The following ZNF677 variants were observed in gnomAD, a reference collection of about 807,000 sequenced individuals.
ZNF677 encodes hypothetical protein MGC48625.
Under a neutral mutation model 8.1 loss-of-function variants are expected in ZNF677, and 5 were observed. The observed-to-expected ratio is 0.62, with a 90% CI of 0.32 to 1.29. ZNF677 has a LOEUF of 1.29. ZNF677 is among the 50% of genes most tolerant of loss of function. ZNF677 has a pLI of 0.05. For synonymous variants in ZNF677, 221 were observed against 225.6 expected (o/e 0.98, Z 0.18); for missense variants, 685 against 685.9 (o/e 1.00, Z 0.01).
chr19:53,236,853 C>T lies in ZNF677; in HGVS notation c.*119G>A, dbSNP rs2090976165. 2.1e-6 allele frequency: 2 copies of T among 931,484 alleles called. No individual in the cohort carries two copies. The highest frequency in any genetic ancestry group is 2.2e-5 in the South Asian group (1 of 46,374). The allele number at this position is 931,484 out of a possible 1,614,324, so 57.7% of individuals were successfully genotyped here. A position where few individuals can be genotyped will look rare whatever the true frequency, so the allele number is the denominator to read the frequency against. On this transcript the variant is annotated 3_prime_UTR_variant, in exon 5 of 5. Transcript: ENST00000598513. ...GGATAAGCCTTGCCATACATGTTAT[C>T]TTTGTGTGGTTTATCTCAAAGATGT...
intron 4 of ZNF677, chr19:53,238,953 A>C (rs1161384161): frequency 6.5e-6 from 1 of 153,550 alleles, no homozygotes; most frequent in Admixed American, 6.5e-5. Flanking sequence ...TTACACACAA[A>C]AGGTAAGGCA....
At chr19:53,247,658 GAT>G (rs2091167650) in intron 3 of ZNF677, among the ~76,000 whole-genome samples, 1 of 152,124 alleles carries the variant, frequency 6.6e-6, no homozygotes, top group Non-Finnish European at 1.5e-5. Context: ...TTGGGGTGTT[GAT>G]ATTTGATCCA....
At position 53,236,843 on chromosome 19, in the gene ZNF677, T is replaced by A; in HGVS notation, c.*129A>T. 1.2e-6 allele frequency: 1 copy of A among 829,520 alleles called. No individual in the cohort carries two copies. The highest frequency in any genetic ancestry group is 1.8e-6 in the Non-Finnish European group (1 of 565,092). 51.4% of individuals were successfully genotyped at this position (829,520 alleles called of 1,614,324 possible). A position where few individuals can be genotyped will look rare whatever the true frequency, so the allele number is the denominator to read the frequency against. On this transcript the variant is annotated 3_prime_UTR_variant, in exon 5 of 5. Coordinates refer to ENST00000598513, the MANE Select transcript of ZNF677 (RefSeq NM_182609.4). The stretch of plus-strand genomic sequence containing the variant: ...CTTGAACTTTGGATAAGCCTTGCCA[T>A]ACATGTTATCTTTGTGTGGTTTATC...
chr19:53,236,839 G>T lies in ZNF677; in HGVS notation c.*133C>A. On this transcript the variant is annotated 3_prime_UTR_variant, in exon 5 of 5. Transcript: ENST00000598513. ...AAGGCTTGAACTTTGGATAAGCCTTGCCATACATGTTATCTTTGTGTGGTT... is the reference window on the plus strand; with the variant it reads ...AAGGCTTGAACTTTGGATAAGCCTTTCCATACATGTTATCTTTGTGTGGTT... 2.6e-6 allele frequency: 2 copies of T among 778,772 alleles called. No individual in the cohort carries two copies. Among genetic ancestry groups the T allele is most frequent in the Non-Finnish European group, 3.8e-6 (2 of 523,146 alleles). The allele number at this position is 778,772 out of a possible 1,614,324, so 48.2% of individuals were successfully genotyped here.
chr19:53,243,560 T>C, intron 4 of ZNF677, 184 bp downstream of exon 4: 1 of 728,872 alleles, frequency 1.4e-6, no homozygotes, highest in East Asian at 2.8e-5. Flanking sequence ...CAAACCTGAT[T>C]ATGCGCAGAA....
intron 3 of ZNF677, among the ~76,000 whole-genome samples, chr19:53,248,598 A>G (rs75795734): frequency 0.032 from 4,922 of 152,262 alleles, 295 homozygotes; most frequent in African/African-American, 0.11. Flanking sequence ...CCTGCTGGAT[A>G]GTTCTTTCGT....
chr19:53,244,015 T>C, intron 3 of ZNF677, 118 bp from the exon 4 acceptor site: 1 of 873,454 alleles, frequency 1.1e-6, no homozygotes. Context: ...AAGCAACTTA[T>C]ATATCCCTAA....
intron 3 of ZNF677, among the ~76,000 whole-genome samples, chr19:53,248,029 A>T (rs1407701357): frequency 6.6e-6 from 1 of 152,152 alleles, no homozygotes; most frequent in Non-Finnish European, 1.5e-5. Flanking sequence ...TCACATGCCT[A>T]TCTTTTTTGT....
At chr19:53,247,567 T>C (rs2091166017) in intron 3 of ZNF677, among the ~76,000 whole-genome samples, 1 of 152,194 alleles carries the variant, frequency 6.6e-6, no homozygotes, top group South Asian at 2.1e-4. Flanking sequence ...GGCTGTTCTA[T>C]CCATTATTAA....
chr19:53,249,330 G>A (rs1315691674), intron 3 of ZNF677: 2 of 152,152 alleles, frequency 1.3e-5, no homozygotes, highest in Non-Finnish European at 2.9e-5. Context: ...CCAACCTGGA[G>A]GAATCCTCAC....
intron 4 of ZNF677, chr19:53,241,871 G>T: frequency 2.5e-6 from 1 of 398,488 alleles, no homozygotes; most frequent in Non-Finnish European, 4.4e-6. Flanking sequence ...ATCGCCTATT[G>T]GTGGGTTATC....
At chr19:53,241,809 G>A (rs2091053560) in intron 4 of ZNF677, 1 of 398,466 alleles carries the variant, frequency 2.5e-6, no homozygotes. Context: ...TTTCAAGAAT[G>A]TTCTGTCACC....
chr19:53,250,166 C>A (rs2091211523), intron 3 of ZNF677, among the ~76,000 whole-genome samples: 1 of 152,100 alleles, frequency 6.6e-6, no homozygotes, highest in South Asian at 2.1e-4. Context: ...GCCACTGCAC[C>A]CAGCCCCTTT....
At chr19:53,253,591 G>T (rs1487128007) in intron 1 of ZNF677, among the ~76,000 whole-genome samples, 2 of 152,166 alleles carry the variant, frequency 1.3e-5, no homozygotes, top group African/African-American at 2.4e-5. Context: ...GGAGGCTAAG[G>T]CAGGAGAATC....
At chr19:53,248,536 G>A (rs532217918) in intron 3 of ZNF677, among the ~76,000 whole-genome samples, 129 of 152,152 alleles carry the variant, frequency 8.5e-4, no homozygotes, top group Non-Finnish European at 1.5e-3. Flanking sequence ...GTTTATCTGG[G>A]GATCTCAATT....
At chr19:53,247,342 G>A (rs1251215713) in intron 3 of ZNF677, among the ~76,000 whole-genome samples, 1 of 151,462 alleles carries the variant, frequency 6.6e-6, no homozygotes, top group Non-Finnish European at 1.5e-5. Context: ...GAATTGTTTT[G>A]GGCCACACAT....
intron 3 of ZNF677, among the ~76,000 whole-genome samples, chr19:53,247,827 A>T (rs1291005779): frequency 6.6e-6 from 1 of 152,128 alleles, no homozygotes; most frequent in East Asian, 1.9e-4. Flanking sequence ...ACCTTTTTAC[A>T]TCCTTTTATT....
intron 3 of ZNF677, among the ~76,000 whole-genome samples, chr19:53,246,317 C>CAAAAAAAAAAAAA (rs59756987): frequency 2.5e-5 from 3 of 122,152 alleles, no homozygotes. Context: ...GACTCCGTCC[C>CAAAAAAAAAAAAA]AAAAAAAAAG....
rs75924222 is a variant in ZNF677 at position 53,238,491 on chromosome 19, T to C, written c.236A>G (p.His79Arg). ...PKENNKEELYHLVILERKESH... is the reference protein window; with the variant it reads ...PKENNKEELYRLVILERKESH... ...TTCCTTTCTTTCTAATATCACCAGA[T>C]GGTATAATTCCTCTTTATTATTTTC... The change falls in exon 5 of 5, where the codon CAT becomes CGT. Residue 79 changes from histidine (H) to arginine (R), a missense_variant. Physicochemically the swap from His to Arg is conservative, Grantham distance 29. Coordinates refer to ENST00000598513, the MANE Select transcript of ZNF677 (RefSeq NM_182609.4). 3,295 of 1,611,084 alleles carry C rather than the reference T, an allele frequency of 2.0e-3. 69 individuals carry two copies. In the African/African-American group the frequency reaches 0.04, roughly 19 times the overall value.
Sources: allele counts gnomAD v4.1 joint callset (sites outside exome capture counted in the v4.1 genomes callset), GRCh38; gene constraint gnomAD v4.1.1; transcripts MANE v1.5; gene names NCBI Gene and HGNC (gene_info 2026-07-23, HGNC 2026-07-21).